The following IL7 variants were observed in gnomAD, a reference collection of about 807,000 sequenced individuals.
IL7 encodes the protein interleukin-7.
Under a neutral mutation model 21.6 loss-of-function variants are expected in IL7, and 3 were observed. The ratio of observed to expected loss-of-function variants is 0.14; its 90% CI spans 0.06 to 0.36. The LOEUF (loss-of-function observed/expected upper bound fraction) is 0.36. IL7 is among the 10% of genes least tolerant of loss of function. The probability of loss-of-function intolerance (pLI) is 1.00; values close to 1 mark genes in which losing one functional copy is unlikely to be tolerated. For synonymous variants in IL7, 62 were observed against 68.1 expected, an observed-to-expected ratio of 0.91 and a Z score of 0.44; for missense variants, 175 against 200.2, an observed-to-expected ratio of 0.87 and a Z score of 0.76.
intron 2 of IL7, among the ~76,000 whole-genome samples, chr8:78,757,989 T>C (rs1336440476): frequency 1.3e-5 from 2 of 152,084 alleles, no homozygotes; most frequent in Admixed American, 6.6e-5. Context: ...CCAGCCCTCA[T>C]GTAAGATATC....
chr8:78,803,966 G>A (rs890177789), intron 1 of IL7, among the ~76,000 whole-genome samples: 1 of 151,996 alleles, frequency 6.6e-6, no homozygotes, highest in Non-Finnish European at 1.5e-5. Context: ...TCCTATTCCC[G>A]CACCCTCCCC....
chr8:78,778,746 T>A (rs1284873702), intron 2 of IL7, among the ~76,000 whole-genome samples: 2 of 152,206 alleles, frequency 1.3e-5, no homozygotes, highest in African/African-American at 4.8e-5. Context: ...TGGGTCCATA[T>A]GAATTTTATG....
chr8:78,675,639 A>G (rs563327573), downstream of IL7: 22 of 649,542 alleles, frequency 3.4e-5, no homozygotes, highest in East Asian at 5.8e-4. Flanking sequence ...GCTCCTTTTC[A>G]TAGATAATTT....
At chr8:78,715,422 T>C, downstream of IL7, 1 of 1,169,012 alleles carries the variant, frequency 8.6e-7, no homozygotes, top group Non-Finnish European at 1.2e-6. Context: ...ACAAGCTATT[T>C]ATAGAAAACC....
chr8:78,804,728 C>T lies in IL7; in HGVS notation c.10+185G>A, dbSNP rs535310425. Among the ~76,000 whole-genome samples the T allele has an allele frequency of 2.6e-5, 4 of 152,336 alleles. No individual in the cohort carries two copies. In the East Asian group the frequency reaches 7.7e-4, roughly 29 times the overall value. ...CAGCAGCCGCCCCAGGTTCAAGTGG[C>T]TATGTGCCAGGATACTCAGGCGCGG... On this transcript the variant is annotated intron_variant, in intron 1 of 5. Transcript: ENST00000263851.
At chr8:78,715,468 C>T (rs889256168), downstream of IL7, 8 of 712,038 alleles carry the variant, frequency 1.1e-5, no homozygotes, top group Non-Finnish European at 1.7e-5. Flanking sequence ...TTAAGTTGTA[C>T]ACCTCTAATG....
At chr8:78,712,559 A>T (rs932602309) in intron 3 of IL7, among the ~76,000 whole-genome samples, 2 of 152,204 alleles carry the variant, frequency 1.3e-5, no homozygotes, top group Middle Eastern at 3.2e-3. Context: ...GAAACTTTCA[A>T]TCCAAGGGTC....
intron 1 of IL7, among the ~76,000 whole-genome samples, chr8:78,804,163 T>C (rs1402475399): frequency 6.6e-6 from 1 of 152,144 alleles, no homozygotes; most frequent in Non-Finnish European, 1.5e-5. Flanking sequence ...CCATTCTAAA[T>C]CCGTATTCTG....
intron 2 of IL7, among the ~76,000 whole-genome samples, chr8:78,768,802 C>A (rs192753499): frequency 6.6e-6 from 1 of 152,016 alleles, no homozygotes; most frequent in Non-Finnish European, 1.5e-5. Flanking sequence ...ACTGGCAAAC[C>A]GAATCCAGCA....
intron 4 of IL7, chr8:78,678,513 T>TA (rs1384239941): frequency 6.8e-7 from 1 of 1,463,672 alleles, no homozygotes; most frequent in African/African-American, 1.4e-5. Flanking sequence ...TCTGTAGTCT[T>TA]ACCTTCTGTA....
intron 3 of IL7, among the ~76,000 whole-genome samples, chr8:78,725,019 G>A (rs772445021): frequency 2.0e-5 from 3 of 151,928 alleles, no homozygotes; most frequent in African/African-American, 4.8e-5. Flanking sequence ...TCTGTAATGG[G>A]CATTTGTCAT....
At chr8:78,752,617 A>T (rs1812211933) in intron 2 of IL7, among the ~76,000 whole-genome samples, 1 of 152,028 alleles carries the variant, frequency 6.6e-6, no homozygotes, top group African/African-American at 2.4e-5. Flanking sequence ...TTTTATTATT[A>T]TACTTGAAGT....
intron 2 of IL7, among the ~76,000 whole-genome samples, chr8:78,786,729 A>C (rs778498884): frequency 5.9e-5 from 9 of 152,164 alleles, no homozygotes; most frequent in Admixed American, 2.0e-4. Context: ...TTCCTGACAC[A>C]CAACCCATAA....
chr8:78,686,453 T>G, intron 3 of IL7: 3 of 1,359,194 alleles, frequency 2.2e-6, no homozygotes, highest in Non-Finnish European at 2.9e-6. Flanking sequence ...ATTTATTTAT[T>G]TATTTATTTA....
chr8:78,775,767 G>A (rs1813112590), intron 2 of IL7, among the ~76,000 whole-genome samples: 1 of 151,934 alleles, frequency 6.6e-6, no homozygotes, highest in African/African-American at 2.4e-5. Flanking sequence ...ATTCCATGTA[G>A]TCCTAGGATT....
chr8:78,732,427 A>G (rs1811443637), downstream of IL7, among the ~76,000 whole-genome samples: 1 of 152,106 alleles, frequency 6.6e-6, no homozygotes. Flanking sequence ...TCTTCTGTAG[A>G]TCAAATAAAG....
chr8:78,726,443 A>G (rs72661346), intron 3 of IL7, among the ~76,000 whole-genome samples: 1 of 152,124 alleles, frequency 6.6e-6, no homozygotes, highest in South Asian at 2.1e-4. Context: ...CAGATTATGT[A>G]TGCTTTAGAG....
chr8:78,680,758 T>A (rs977371010), intron 4 of IL7, among the ~76,000 whole-genome samples: 1 of 152,210 alleles, frequency 6.6e-6, no homozygotes, highest in Non-Finnish European at 1.5e-5. Context: ...GGCCTGTGGC[T>A]GGATTCTGGA....
intron 3 of IL7, among the ~76,000 whole-genome samples, chr8:78,722,570 A>G (rs1811260630): frequency 6.6e-6 from 1 of 151,956 alleles, no homozygotes; most frequent in South Asian, 2.1e-4. Context: ...AAGAACTATG[A>G]TCTAATATGA....
Sources: allele counts gnomAD v4.1 joint callset (sites outside exome capture counted in the v4.1 genomes callset), GRCh38; gene constraint gnomAD v4.1.1; transcripts MANE v1.5; gene names NCBI Gene and HGNC (gene_info 2026-07-23, HGNC 2026-07-21).